The following RUFY4 variants were observed in gnomAD, a reference collection of about 807,000 sequenced individuals.
The protein encoded by RUFY4 is RUN and FYVE domain containing 4.
In RUFY4, 73 loss-of-function variants were observed where a neutral mutation model predicts 69.0. That is an observed-to-expected ratio of 1.06 (90% CI 0.88 to 1.29). The LOEUF is 1.29. Among genes scored for constraint, RUFY4 ranks in the 50% most tolerant of loss-of-function variants. The pLI is 0.00. For missense variants in RUFY4, 770 were observed against 705.6 expected (o/e 1.09, Z -1.03); for synonymous variants, 287 against 271.8 (o/e 1.06, Z -0.55).
intron 2 of RUFY4, among the ~76,000 whole-genome samples, chr2:218,043,134 G>A (rs1688740230): frequency 6.6e-6 from 1 of 152,166 alleles, no homozygotes; most frequent in Admixed American, 6.5e-5. Flanking sequence ...GCTCCTCTCT[G>A]TAGGCAGGTT....
chr2:218,042,813 A>T (rs1688732951), intron 2 of RUFY4, among the ~76,000 whole-genome samples: 1 of 152,230 alleles, frequency 6.6e-6, no homozygotes, highest in Non-Finnish European at 1.5e-5. Context: ...AAAACTTCAA[A>T]AAAAAATGAA....
intron 8 of RUFY4, among the ~76,000 whole-genome samples, chr2:218,077,155 C>G (rs1196193195): frequency 6.6e-6 from 1 of 152,300 alleles, no homozygotes; most frequent in South Asian, 2.1e-4. Flanking sequence ...AGCTGAGATT[C>G]AAGGCCTGCA....
intron 2 of RUFY4, among the ~76,000 whole-genome samples, chr2:218,049,654 G>T (rs1688903065): frequency 6.6e-6 from 1 of 152,032 alleles, no homozygotes; most frequent in Non-Finnish European, 1.5e-5. Context: ...TTACAGGCAT[G>T]CGCCACCACA....
At chr2:218,073,964 TC>T (rs1559433338) in intron 6 of RUFY4, 79 bp downstream of exon 8, 1 of 1,406,118 alleles carries the variant, frequency 7.1e-7, no homozygotes, top group Admixed American at 1.8e-5. Context: ...AAACTGAGCT[TC>T]CCCCTCCGAG....
intron 9 of RUFY4, among the ~76,000 whole-genome samples, chr2:218,088,861 CTG>C (rs745630122): frequency 2.7e-4 from 41 of 151,978 alleles, no homozygotes; most frequent in Non-Finnish European, 3.8e-4. Flanking sequence ...GTCTCTTTCT[CTG>C]TGTGTGTCTC....
upstream of RUFY4, among the ~76,000 whole-genome samples, chr2:218,064,274 A>G (rs114300587): frequency 9.5e-3 from 1,446 of 152,050 alleles, 31 homozygotes; most frequent in African/African-American, 0.033. Flanking sequence ...CACCACCAAG[A>G]ACCTTCAGCT....
upstream of RUFY4, among the ~76,000 whole-genome samples, chr2:218,067,896 C>T (rs1345217649): frequency 6.6e-6 from 1 of 152,190 alleles, no homozygotes; most frequent in Non-Finnish European, 1.5e-5. Context: ...GGTGGGGAGG[C>T]AGGGACATGG....
chr2:218,081,325 C>T (rs1689754744), intron 8 of RUFY4, among the ~76,000 whole-genome samples: 1 of 152,144 alleles, frequency 6.6e-6, no homozygotes, highest in African/African-American at 2.4e-5. Flanking sequence ...ACTTGCAGAC[C>T]TTTACATGTG....
intron 8 of RUFY4, among the ~76,000 whole-genome samples, chr2:218,082,557 GT>G (rs2106068706): frequency 6.6e-6 from 1 of 152,346 alleles, no homozygotes; most frequent in South Asian, 2.1e-4. Context: ...TGAGGAGTCA[GT>G]TCGTAGGTGT....
At chr2:218,049,136 A>G (rs781232991) in intron 2 of RUFY4, among the ~76,000 whole-genome samples, 5 of 152,140 alleles carry the variant, frequency 3.3e-5, no homozygotes, top group African/African-American at 4.8e-5. Flanking sequence ...TGTTGTTGCT[A>G]AATTTCTTGG....
intron 8 of RUFY4, among the ~76,000 whole-genome samples, chr2:218,079,480 T>C (rs1028575008): frequency 3.3e-5 from 5 of 151,862 alleles, no homozygotes; most frequent in African/African-American, 9.7e-5. Flanking sequence ...GTAGGGAAAG[T>C]TCAGAGCTTG....
At chr2:218,052,732 C>CT (rs879671923) in intron 2 of RUFY4, among the ~76,000 whole-genome samples, 413 of 134,684 alleles carry the variant, frequency 3.1e-3, no homozygotes, top group Middle Eastern at 7.7e-3. Context: ...CTCTATCTCA[C>CT]TTTTTTTTTT....
At chr2:218,062,435 G>A (rs982222511) in intron 3 of RUFY4, among the ~76,000 whole-genome samples, 4 of 148,582 alleles carry the variant, frequency 2.7e-5, no homozygotes, top group Admixed American at 6.7e-5. Context: ...ATAAGTGGCC[G>A]GGCATGGTGG....
chr2:218,041,094 G>A (rs1208257325), intron 2 of RUFY4, among the ~76,000 whole-genome samples: 1 of 151,960 alleles, frequency 6.6e-6, no homozygotes, highest in East Asian at 1.9e-4. Flanking sequence ...TGGAATTGAT[G>A]ATAGGATGTT....
intron 2 of RUFY4, among the ~76,000 whole-genome samples, chr2:218,049,062 TG>T (rs1234152140): frequency 6.6e-6 from 1 of 152,206 alleles, no homozygotes; most frequent in Admixed American, 6.5e-5. Flanking sequence ...GAAATCTACA[TG>T]GGGGAAGTTT....
At chr2:218,076,783 G>T (rs2106059187) in intron 8 of RUFY4, among the ~76,000 whole-genome samples, 2 of 152,268 alleles carry the variant, frequency 1.3e-5, no homozygotes, top group South Asian at 4.1e-4. Flanking sequence ...CCGCCTCCTG[G>T]CCTGCTTCCT....
intron 3 of RUFY4, among the ~76,000 whole-genome samples, chr2:218,064,124 T>C (rs542597636): frequency 1.3e-5 from 2 of 152,090 alleles, no homozygotes; most frequent in Admixed American, 6.5e-5. Flanking sequence ...TTCTGGACAC[T>C]GCCATCTCCC....
At chr2:218,055,443 C>T (rs901118894) in intron 2 of RUFY4, among the ~76,000 whole-genome samples, 1 of 151,780 alleles carries the variant, frequency 6.6e-6, no homozygotes, top group Admixed American at 6.6e-5. Context: ...GTTTTTACTA[C>T]ACTTACATAA....
rs376386557 is a variant in RUFY4, at chr2:218,054,511, C to A, written c.-1157-4084C>A. ...TGGAGGTTGCAGTGAGCCAAGATCA[C>A]ACAACTGCCCTCCAGCCTGGGCGAC... On this transcript the variant is annotated intron_variant and NMD_transcript_variant, in intron 2 of 13. Coordinates refer to the RUFY4 transcript ENST00000457754. Among the ~76,000 whole-genome samples the A allele has an allele frequency of 3.3e-3, 473 of 144,682 alleles. 2 individuals carry two copies. Among genetic ancestry groups the A allele is most frequent in the African/African-American group, 0.011 (434 of 38,478 alleles). The allele number at this position is 144,682 out of a possible 152,430, so 94.9% of individuals were successfully genotyped here.
Sources: gnomAD v4.1 joint callset for allele counts (sites outside exome capture counted in the v4.1 genomes callset) on GRCh38, gnomAD v4.1.1 for gene constraint, MANE v1.5 for transcripts, NCBI Gene and HGNC (gene_info 2026-07-23, HGNC 2026-07-21) for gene names.